Variants in PRKCE observed in about 807,000 individuals in gnomAD.
PRKCE encodes protein kinase C epsilon.
A neutral mutation model predicts 85.4 loss-of-function variants in PRKCE; 16 were observed. The ratio of observed to expected loss-of-function variants is 0.19; its 90% confidence interval spans 0.13 to 0.28. The LOEUF (loss-of-function observed/expected upper bound fraction) is 0.28. Among genes scored for constraint, PRKCE ranks in the 10% least tolerant of loss-of-function variants. The pLI, the probability that PRKCE is intolerant of heterozygous loss-of-function variation, is 1.00. For missense variants in PRKCE, 573 were observed against 975.2 expected (o/e 0.59, Z 5.49); for synonymous variants, 388 against 371.5 (o/e 1.04, Z -0.51).
At chr2:46,143,486 T>A (rs1473665144) in intron 11 of PRKCE, among the ~76,000 whole-genome samples, 2 of 152,146 alleles carry the variant, frequency 1.3e-5, no homozygotes, top group Non-Finnish European at 2.9e-5. Flanking sequence ...GACCTTCTAC[T>A]TTCACGCACA....
chr2:45,676,042 A>G (rs905774379), intron 1 of PRKCE: 3 of 152,212 alleles, frequency 2.0e-5, no homozygotes, highest in African/African-American at 2.4e-5. Flanking sequence ...CCTAGTAGAC[A>G]CCAATGCTTG....
chr2:45,815,523 C>G lies in PRKCE; in HGVS notation c.349-27477C>G, dbSNP rs985370745. Among the ~76,000 whole-genome samples, 13 of 152,180 alleles carry G rather than the reference C, an allele frequency of 8.5e-5. No homozygotes were observed. The East Asian group carries it at 2.3e-3, about 27-fold the overall frequency. On this transcript the variant is annotated intron_variant, in intron 1 of 14. Transcript: ENST00000306156. Reference sequence around the variant, plus strand: ...CTAGGTGCTTTGTCTTTTTCTTCCTCGGTCCCCTCCATTAGATCTCAGTAA... The same window carrying G: ...CTAGGTGCTTTGTCTTTTTCTTCCTGGGTCCCCTCCATTAGATCTCAGTAA...
At chr2:45,744,808 C>T (rs1294596161) in intron 1 of PRKCE, among the ~76,000 whole-genome samples, 2 of 152,042 alleles carry the variant, frequency 1.3e-5, no homozygotes, top group East Asian at 3.9e-4. Context: ...AGGGTTTCAC[C>T]ATGTTGCCCA....
intron 2 of PRKCE, among the ~76,000 whole-genome samples, chr2:45,885,651 T>C (rs187434214): frequency 4.6e-5 from 7 of 152,354 alleles, no homozygotes; most frequent in Non-Finnish European, 5.9e-5. Context: ...CTCTGACTGT[T>C]GTTGACAACA....
chr2:45,715,010 G>A (rs1679969554), intron 1 of PRKCE, among the ~76,000 whole-genome samples: 1 of 152,220 alleles, frequency 6.6e-6, no homozygotes, highest in African/African-American at 2.4e-5. Context: ...CTTAGGATTT[G>A]TTGTTTTCCC....
At chr2:45,712,336 G>T (rs1479296380) in intron 1 of PRKCE, among the ~76,000 whole-genome samples, 1 of 151,754 alleles carries the variant, frequency 6.6e-6, no homozygotes, top group Admixed American at 6.6e-5. Flanking sequence ...TGTAGTTTTA[G>T]TAGAGACGAG....
intron 2 of PRKCE, among the ~76,000 whole-genome samples, chr2:45,925,299 A>T (rs1698529033): frequency 7.4e-6 from 1 of 135,730 alleles, no homozygotes; most frequent in South Asian, 2.7e-4. Flanking sequence ...TGTATTTTTT[A>T]TTTATTTATT....
intron 10 of PRKCE, among the ~76,000 whole-genome samples, chr2:46,054,590 A>C (rs1666379822): frequency 6.6e-6 from 1 of 152,188 alleles, no homozygotes; most frequent in African/African-American, 2.4e-5. Context: ...CCAACCATAC[A>C]CACAGAATCT....
chr2:45,798,603 T>C (rs975598488), intron 1 of PRKCE, among the ~76,000 whole-genome samples: 21 of 152,366 alleles, frequency 1.4e-4, no homozygotes, highest in African/African-American at 5.0e-4. Context: ...CAGAGTTTTA[T>C]ATGATTGAAA....
At chr2:46,021,259 C>T (rs1706633921) in intron 10 of PRKCE, among the ~76,000 whole-genome samples, 1 of 152,150 alleles carries the variant, frequency 6.6e-6, no homozygotes, top group South Asian at 2.1e-4. Flanking sequence ...TTGTGGAGTT[C>T]TTACTCTGCT....
chr2:46,050,698 C>T (rs1574334327), intron 10 of PRKCE, among the ~76,000 whole-genome samples: 1 of 152,220 alleles, frequency 6.6e-6, no homozygotes, highest in Non-Finnish European at 1.5e-5. Flanking sequence ...AGGACACTGC[C>T]ACCTGTGGCC....
intron 2 of PRKCE, among the ~76,000 whole-genome samples, chr2:45,853,498 A>G (rs956424973): frequency 3.9e-5 from 6 of 152,128 alleles, no homozygotes; most frequent in Non-Finnish European, 7.4e-5. Context: ...CTGGGGCTTT[A>G]ATTAAAATAA....
intron 6 of PRKCE, among the ~76,000 whole-genome samples, chr2:45,997,490 C>T (rs557597356): frequency 6.6e-6 from 1 of 152,010 alleles, no homozygotes; most frequent in South Asian, 2.1e-4. Context: ...ACTGCTTTTG[C>T]TATATCCCAC....
chr2:45,969,363 GTCC>G (rs1458008360), intron 2 of PRKCE, among the ~76,000 whole-genome samples: 2 of 152,162 alleles, frequency 1.3e-5, no homozygotes, highest in Non-Finnish European at 2.9e-5. Context: ...AGCCAAATGG[GTCC>G]TCTGGGAGGT....
intron 11 of PRKCE, 98 bp downstream of exon 11, chr2:46,086,460 C>A: frequency 7.2e-7 from 1 of 1,394,896 alleles, no homozygotes; most frequent in Non-Finnish European, 9.7e-7. Flanking sequence ...CGTCTCTTAG[C>A]AACCTGCTTT....
At chr2:45,988,560 C>A (rs1703531766) in intron 6 of PRKCE, among the ~76,000 whole-genome samples, 1 of 152,204 alleles carries the variant, frequency 6.6e-6, no homozygotes, top group African/African-American at 2.4e-5. Flanking sequence ...AGGGGCCAGA[C>A]CCTTGCAGGA....
At chr2:46,023,056 G>A (rs1177618008) in intron 10 of PRKCE, among the ~76,000 whole-genome samples, 4 of 142,338 alleles carry the variant, frequency 2.8e-5, no homozygotes, top group African/African-American at 8.2e-5. Context: ...GCAGTCCGCA[G>A]TCCGTCCTGG....
intron 2 of PRKCE, among the ~76,000 whole-genome samples, chr2:45,910,123 A>G (rs13394763): frequency 0.023 from 3,471 of 152,192 alleles, 148 homozygotes; most frequent in African/African-American, 0.079. Context: ...GCAAAATAAG[A>G]CACCTAATAA....
chr2:45,908,220 A>G (rs759650538), intron 2 of PRKCE, among the ~76,000 whole-genome samples: 18 of 152,108 alleles, frequency 1.2e-4, no homozygotes, highest in South Asian at 2.1e-4. Context: ...CATTGGCCCT[A>G]TGGATCTGCT....
Sources: allele counts gnomAD v4.1 joint callset (sites outside exome capture counted in the v4.1 genomes callset), GRCh38; gene constraint gnomAD v4.1.1; transcripts MANE v1.5; gene names NCBI Gene and HGNC (gene_info 2026-07-23, HGNC 2026-07-21).